KRIT1: variants seen among roughly 807,000 people sequenced by gnomAD.
The protein encoded by KRIT1 is KRIT1 ankyrin repeat containing.
In KRIT1, 45 loss-of-function variants were observed where a neutral mutation model predicts 95.8. That is an observed-to-expected ratio of 0.47 (90% confidence interval 0.37 to 0.60). The LOEUF (loss-of-function observed/expected upper bound fraction) is 0.60. Among genes scored for constraint, KRIT1 ranks in the 20% least tolerant of loss-of-function variants. The pLI, the probability that KRIT1 is intolerant of heterozygous loss-of-function variation, is 0.00. For missense variants in KRIT1, 788 were observed against 877.5 expected (o/e 0.90, Z 1.29); for synonymous variants, 282 against 278.8 (o/e 1.01, Z -0.11).
chr7:92,223,273 C>CAAA (rs568078150), intron 12 of KRIT1, among the ~76,000 whole-genome samples: 5 of 42,094 alleles, frequency 1.2e-4, no homozygotes, highest in Admixed American at 2.7e-4. Flanking sequence ...ACTAAAAATA[C>CAAA]AAAAAAAAAA....
At chr7:92,235,775 G>A (rs989384780) in intron 7 of KRIT1, 129 bp from the exon 8 acceptor site, 1 of 822,572 alleles carries the variant, frequency 1.2e-6, no homozygotes, top group African/African-American at 1.7e-5. Flanking sequence ...TTAATTTAGT[G>A]TTAGTTAAGT....
At chr7:92,234,738 T>G in intron 9 of KRIT1, 70 bp downstream of exon 9, 1 of 1,155,462 alleles carries the variant, frequency 8.7e-7, no homozygotes, top group Non-Finnish European at 1.3e-6. Context: ...GCATATATAA[T>G]TTTAAACAAT....
chr7:92,235,740 A>C (rs1798312353), intron 7 of KRIT1, 94 bp from the exon 8 acceptor site: 5 of 1,124,510 alleles, frequency 4.4e-6, no homozygotes, highest in Non-Finnish European at 6.6e-6. Context: ...ACACTTGTGA[A>C]TATTACCTTC....
At chr7:92,245,929 G>T, upstream of KRIT1, 1 of 243,264 alleles carries the variant, frequency 4.1e-6, no homozygotes, top group South Asian at 4.1e-5. Context: ...TCGCTTCCGG[G>T]TTCACACCCT....
At chr7:92,239,500 G>A (rs964717079) in intron 5 of KRIT1, among the ~76,000 whole-genome samples, 1 of 152,150 alleles carries the variant, frequency 6.6e-6, no homozygotes, top group Non-Finnish European at 1.5e-5. Flanking sequence ...AGAAGTCCAA[G>A]ACTGAGGTAG....
chr7:92,218,727 T>C (rs557865789), intron 14 of KRIT1, among the ~76,000 whole-genome samples: 171 of 152,266 alleles, frequency 1.1e-3, no homozygotes, highest in African/African-American at 3.7e-3. Flanking sequence ...GTAGGAGTTC[T>C]TTATATATTC....
At chr7:92,239,431 A>G (rs1799116290) in intron 5 of KRIT1, among the ~76,000 whole-genome samples, 1 of 152,224 alleles carries the variant, frequency 6.6e-6, no homozygotes, top group Non-Finnish European at 1.5e-5. Context: ...GTCAGGATAG[A>G]TGCTGATAAC....
chr7:92,222,939 GAT>G lies in KRIT1; in HGVS notation c.1292_1293del (p.Tyr431SerfsTer4). On this transcript the variant is annotated frameshift_variant, in exon 13 of 19. Coordinates refer to ENST00000394505, the MANE Select transcript of KRIT1 (RefSeq NM_194454.3). LOFTEE classifies it high-confidence loss of function. The stretch of plus-strand genomic sequence containing the variant: ...TTTCCATGCTTCAATTCAACAGAAC[GAT>G]ATGACCCATCCATTCTGTATATTCG... ...KVRIYRMDGS[Y>X]RSVELKHGNN... 6.2e-7 allele frequency: 1 copy of G among 1,609,106 alleles called. No homozygotes were observed. The highest frequency in any genetic ancestry group is 1.3e-5 in the African/African-American group (1 of 74,904).
chr7:92,205,346 A>G (rs1791226383), intron 17 of KRIT1, among the ~76,000 whole-genome samples: 1 of 152,048 alleles, frequency 6.6e-6, no homozygotes, highest in Non-Finnish European at 1.5e-5. Flanking sequence ...AACTCATCTC[A>G]ACAACAACAA....
chr7:92,240,368 T>G (rs896559245), intron 5 of KRIT1, among the ~76,000 whole-genome samples: 1 of 152,160 alleles, frequency 6.6e-6, no homozygotes, highest in African/African-American at 2.4e-5. Context: ...CTAAGAACTG[T>G]TTTCTACTGC....
At chr7:92,240,876 G>C in intron 5 of KRIT1, 117 bp downstream of exon 5, 1 of 857,512 alleles carries the variant, frequency 1.2e-6, no homozygotes, top group Non-Finnish European at 1.9e-6. Context: ...TTTTTTGCAA[G>C]TTTGTTAAAT....
At chr7:92,228,626 C>A (rs969107870) in intron 10 of KRIT1, among the ~76,000 whole-genome samples, 11 of 151,984 alleles carry the variant, frequency 7.2e-5, no homozygotes, top group Non-Finnish European at 1.6e-4. Flanking sequence ...GGTACATGTG[C>A]GGGTTTGTTA....
intron 12 of KRIT1, among the ~76,000 whole-genome samples, chr7:92,224,119 G>A (rs1584893354): frequency 6.6e-6 from 1 of 152,266 alleles, no homozygotes; most frequent in East Asian, 1.9e-4. Context: ...ATTAAAGGCA[G>A]AGACCATATA....
At chr7:92,230,417 C>T (rs940864930) in intron 10 of KRIT1, among the ~76,000 whole-genome samples, 2 of 152,130 alleles carry the variant, frequency 1.3e-5, no homozygotes, top group Non-Finnish European at 2.9e-5. Context: ...CTCCATTATG[C>T]TCTTTCAACT....
chr7:92,236,324 TTCTCAAAGTGTCTGTA>T, intron 7 of KRIT1, 73 bp downstream of exon 7: 1 of 844,100 alleles, frequency 1.2e-6, no homozygotes, highest in Non-Finnish European at 1.9e-6. Flanking sequence ...CATTATTTTC[TTCTCAAAGTGTCTGTA>T]TCTATGACAA....
At chr7:92,218,543 T>C (rs1459932192) in intron 14 of KRIT1, among the ~76,000 whole-genome samples, 2 of 152,042 alleles carry the variant, frequency 1.3e-5, no homozygotes, top group African/African-American at 4.8e-5. Context: ...CATGCCTGGC[T>C]AATTTTTTAA....
At chr7:92,212,725 T>C (rs926358938) in intron 17 of KRIT1, among the ~76,000 whole-genome samples, 3 of 152,224 alleles carry the variant, frequency 2.0e-5, no homozygotes, top group Non-Finnish European at 4.4e-5. Flanking sequence ...TAGGGCTTTG[T>C]TATAGTGGCC....
At chr7:92,221,502 A>G (rs554140265) in intron 14 of KRIT1, among the ~76,000 whole-genome samples, 3 of 152,126 alleles carry the variant, frequency 2.0e-5, no homozygotes, top group Non-Finnish European at 2.9e-5. Context: ...TTGCAAGTAT[A>G]ATCTTATCCA....
Position 92,200,716 on chromosome 7 carries a change from G to A in KRIT1, c.*20C>T, listed in dbSNP as rs371118288. 6.7e-7 allele frequency: 1 copy of A among 1,494,478 alleles called. No individual in the cohort carries two copies. The highest frequency in any genetic ancestry group is 9.3e-7 in the Non-Finnish European group (1 of 1,070,924). 92.6% of individuals were successfully genotyped at this position (1,494,478 alleles called of 1,614,324 possible). ...TCTGCATTACAAAATGTGGTGGCTTGAGTAACAGTTACTTCTCTTTCATGA... is the reference window on the plus strand; with the variant it reads ...TCTGCATTACAAAATGTGGTGGCTTAAGTAACAGTTACTTCTCTTTCATGA... On this transcript the variant is annotated 3_prime_UTR_variant, in exon 19 of 19. Coordinates refer to ENST00000394505, the MANE Select transcript of KRIT1 (RefSeq NM_194454.3).
Sources: gnomAD v4.1 joint callset for allele counts (sites outside exome capture counted in the v4.1 genomes callset) on GRCh38, gnomAD v4.1.1 for gene constraint, MANE v1.5 for transcripts, NCBI Gene and HGNC (gene_info 2026-07-23, HGNC 2026-07-21) for gene names.